Variants in RTN4IP1 observed in about 807,000 individuals in gnomAD.
The protein encoded by RTN4IP1 is reticulon 4 interacting protein 1, also known as NAD(P)H oxidoreductase RTN4IP1, mitochondrial.
In RTN4IP1, 32 loss-of-function variants were observed where a neutral mutation model predicts 46.6. That is an observed-to-expected ratio of 0.69 (90% confidence interval 0.52 to 0.92). RTN4IP1 has a LOEUF of 0.92. Ranked by LOEUF, RTN4IP1 falls within the 40% of genes least tolerant of loss-of-function variation. The probability of loss-of-function intolerance (pLI) is 0.00; values close to 1 mark genes in which losing one functional copy is unlikely to be tolerated. For synonymous variants in RTN4IP1, 167 were observed against 161.8 expected, an observed-to-expected ratio of 1.03 and a Z score of -0.24; for missense variants, 424 against 485.8, an observed-to-expected ratio of 0.87 and a Z score of 1.20.
chr6:106,630,338 C>T (rs1010491525), upstream of RTN4IP1, among the ~76,000 whole-genome samples: 1 of 152,098 alleles, frequency 6.6e-6, no homozygotes, highest in Non-Finnish European at 1.5e-5. Flanking sequence ...TCTCAACCCC[C>T]GTCTTAAAAA....
intron 4 of RTN4IP1, chr6:106,607,678 C>A (rs1315318758): frequency 6.6e-6 from 1 of 151,906 alleles, no homozygotes; most frequent in Non-Finnish European, 1.5e-5. Flanking sequence ...GATCTCTCAC[C>A]CTAGTTAGAA....
chr6:106,626,120 A>T (rs925024051), intron 1 of RTN4IP1, among the ~76,000 whole-genome samples: 14 of 152,322 alleles, frequency 9.2e-5, no homozygotes, highest in African/African-American at 3.4e-4. Context: ...GGCTGGCCTT[A>T]TGTGAAAGCA....
At chr6:106,601,594 T>C (rs1775950504) in intron 5 of RTN4IP1, among the ~76,000 whole-genome samples, 1 of 152,138 alleles carries the variant, frequency 6.6e-6, no homozygotes, top group South Asian at 2.1e-4. Context: ...AGATCTTTGA[T>C]CCATTTTGAG....
intron 4 of RTN4IP1, among the ~76,000 whole-genome samples, chr6:106,616,549 A>C (rs939593153): frequency 1.3e-5 from 2 of 148,836 alleles, no homozygotes; most frequent in Admixed American, 1.4e-4. Context: ...TGTGCAGACT[A>C]AGGCATGCCT....
At chr6:106,605,173 T>C (rs1285539764) in intron 4 of RTN4IP1, among the ~76,000 whole-genome samples, 3 of 152,180 alleles carry the variant, frequency 2.0e-5, no homozygotes. Context: ...CGGTAGCTCA[T>C]GCCTGTAATC....
At chr6:106,594,323 C>T (rs916637214) in intron 5 of RTN4IP1, among the ~76,000 whole-genome samples, 4 of 152,112 alleles carry the variant, frequency 2.6e-5, no homozygotes, top group Non-Finnish European at 2.9e-5. Context: ...GCCTAGGCAA[C>T]GTAGTGAAAC....
intron 8 of RTN4IP1, among the ~76,000 whole-genome samples, chr6:106,573,699 A>G (rs1402559084): frequency 2.6e-5 from 4 of 152,242 alleles, no homozygotes; most frequent in African/African-American, 9.6e-5. Context: ...GATAAATAGC[A>G]AGTCAGGATT....
intron 8 of RTN4IP1, among the ~76,000 whole-genome samples, chr6:106,579,502 A>G (rs1375564844): frequency 6.6e-6 from 1 of 152,192 alleles, no homozygotes; most frequent in Non-Finnish European, 1.5e-5. Context: ...TGAGGTCACC[A>G]CATATTTAGG....
chr6:106,590,418 C>T (rs1390785388), intron 6 of RTN4IP1, among the ~76,000 whole-genome samples: 3 of 151,780 alleles, frequency 2.0e-5, no homozygotes, highest in African/African-American at 4.8e-5. Context: ...CTAGAAGCAT[C>T]AGAAGATACA....
At chr6:106,601,762 C>T (rs1775955639) in intron 5 of RTN4IP1, among the ~76,000 whole-genome samples, 4 of 151,700 alleles carry the variant, frequency 2.6e-5, no homozygotes, top group Admixed American at 2.0e-4. Flanking sequence ...AGACACATGC[C>T]ACCATGTCCA....
At chr6:106,578,644 T>C (rs1433676097) in intron 8 of RTN4IP1, among the ~76,000 whole-genome samples, 1 of 152,170 alleles carries the variant, frequency 6.6e-6, no homozygotes, top group Non-Finnish European at 1.5e-5. Context: ...TGCAAACTAG[T>C]GTCCAAGAGC....
intron 5 of RTN4IP1, among the ~76,000 whole-genome samples, chr6:106,593,857 CA>C (rs1562139634): frequency 6.6e-6 from 1 of 152,116 alleles, no homozygotes; most frequent in African/African-American, 2.4e-5. Flanking sequence ...TTGCTTTTCA[CA>C]GCAAGTCCCA....
At chr6:106,583,263 G>A in intron 8 of RTN4IP1, 65 bp downstream of exon 8, 1 of 1,292,658 alleles carries the variant, frequency 7.7e-7, no homozygotes, top group Admixed American at 1.8e-5. Flanking sequence ...GGCTCAGTGG[G>A]CAGGTCTACA....
At chr6:106,587,459 G>T (rs1408858749) in intron 7 of RTN4IP1, among the ~76,000 whole-genome samples, 1 of 152,148 alleles carries the variant, frequency 6.6e-6, no homozygotes, top group Admixed American at 6.5e-5. Context: ...CATTTTACAG[G>T]GGAAGACATT....
At chr6:106,607,082 C>G (rs1013179530) in intron 4 of RTN4IP1, among the ~76,000 whole-genome samples, 2 of 151,930 alleles carry the variant, frequency 1.3e-5, no homozygotes, top group African/African-American at 4.8e-5. Context: ...AATAAAGAAC[C>G]CAGAAATAAA....
At chr6:106,623,094 A>G in intron 1 of RTN4IP1, 125 bp from the exon 2 acceptor site, 1 of 895,606 alleles carries the variant, frequency 1.1e-6, no homozygotes, top group Admixed American at 2.3e-5. Flanking sequence ...ATTCCATTAC[A>G]AAGACACATA....
intron 4 of RTN4IP1, among the ~76,000 whole-genome samples, chr6:106,611,345 A>T (rs1378324241): frequency 6.6e-6 from 1 of 152,218 alleles, no homozygotes; most frequent in Non-Finnish European, 1.5e-5. Flanking sequence ...TGAAACAGAC[A>T]TATATGGCCT....
chr6:106,577,637 A>C (rs1775262185), intron 8 of RTN4IP1, among the ~76,000 whole-genome samples: 1 of 152,058 alleles, frequency 6.6e-6, no homozygotes, highest in South Asian at 2.1e-4. Context: ...ATGTGTGAAT[A>C]TGGCACCTTA....
At chr6:106,574,759 G>T (rs965336680) in intron 8 of RTN4IP1, among the ~76,000 whole-genome samples, 1 of 152,168 alleles carries the variant, frequency 6.6e-6, no homozygotes, top group Non-Finnish European at 1.5e-5. Flanking sequence ...GACTGACAAA[G>T]TGCCTGCCTC....
Sources: allele counts gnomAD v4.1 joint callset (sites outside exome capture counted in the v4.1 genomes callset), GRCh38; gene constraint gnomAD v4.1.1; transcripts MANE v1.5; gene names NCBI Gene and HGNC (gene_info 2026-07-23, HGNC 2026-07-21).